PCLO: variants seen among roughly 807,000 people sequenced by gnomAD.
PCLO encodes the protein piccolo presynaptic cytomatrix protein, also known as protein piccolo.
In PCLO, 82 loss-of-function variants were observed where a neutral mutation model predicts 427.5. That is an observed-to-expected ratio of 0.19 (90% confidence interval 0.16 to 0.23). PCLO has a LOEUF of 0.23. PCLO is among the 10% of genes least tolerant of loss of function. The pLI, the probability that PCLO is intolerant of heterozygous loss-of-function variation, is 1.00. For missense variants in PCLO, 6,239 were observed against 6,115.9 expected, an observed-to-expected ratio of 1.02 and a Z score of -0.67; for synonymous variants, 2,357 against 2,155.4, an observed-to-expected ratio of 1.09 and a Z score of -2.59.
intron 10 of PCLO, among the ~76,000 whole-genome samples, chr7:82,860,943 C>G (rs1208119735): frequency 2.0e-5 from 3 of 151,662 alleles, no homozygotes; most frequent in African/African-American, 7.3e-5. Flanking sequence ...AAGGTAACCT[C>G]AAACCAAAAA....
At chr7:82,909,654 G>A (rs982765814) in intron 7 of PCLO, among the ~76,000 whole-genome samples, 2 of 151,970 alleles carry the variant, frequency 1.3e-5, no homozygotes, top group African/African-American at 4.8e-5. Context: ...TTGAAAATAC[G>A]ACATTTCTAT....
chr7:82,763,951 T>C (rs1790481397), intron 22 of PCLO, among the ~76,000 whole-genome samples: 1 of 151,964 alleles, frequency 6.6e-6, no homozygotes, highest in African/African-American at 2.4e-5. Context: ...AGTTTGACTC[T>C]CTCAGAAATA....
chr7:82,921,228 C>A (rs2116296646), intron 6 of PCLO, among the ~76,000 whole-genome samples: 1 of 151,816 alleles, frequency 6.6e-6, no homozygotes, highest in African/African-American at 2.4e-5. Flanking sequence ...AAAAACTATT[C>A]TAAAATTCAT....
intron 22 of PCLO, among the ~76,000 whole-genome samples, chr7:82,798,527 G>A (rs928737608): frequency 6.6e-6 from 1 of 152,014 alleles, no homozygotes; most frequent in Non-Finnish European, 1.5e-5. Flanking sequence ...ATATTTCTAC[G>A]TGGACAAAAC....
chr7:82,822,876 GGCAAAAGGATGATA>G (rs530855625), intron 19 of PCLO, among the ~76,000 whole-genome samples, 187 bp from the exon 20 acceptor site: 54 of 152,240 alleles, frequency 3.5e-4, no homozygotes, highest in African/African-American at 1.2e-3. Flanking sequence ...GGGGAGGAAA[GGCAAAAGGATGATA>G]GCAATGAGAA....
intron 6 of PCLO, among the ~76,000 whole-genome samples, chr7:82,919,544 T>C (rs1794548474): frequency 6.6e-6 from 1 of 151,934 alleles, no homozygotes; most frequent in Non-Finnish European, 1.5e-5. Flanking sequence ...AAACCAAGCC[T>C]TTAACTGCAT....
At chr7:82,801,386 G>C in intron 22 of PCLO, 132 bp downstream of exon 22, 1 of 528,198 alleles carries the variant, frequency 1.9e-6, no homozygotes, top group South Asian at 3.0e-5. Flanking sequence ...AATAGATAAT[G>C]ATATCTTACT....
At chr7:82,814,493 T>C (rs1791636078) in intron 20 of PCLO, among the ~76,000 whole-genome samples, 1 of 150,780 alleles carries the variant, frequency 6.6e-6, no homozygotes, top group African/African-American at 2.4e-5. Flanking sequence ...ATTTAATTTA[T>C]AATAATTTAT....
Position 82,954,705 on chromosome 7 carries a change from G to A in PCLO, c.6248C>T (p.Thr2083Ile), listed in dbSNP as rs1562881412. 1.2e-6 allele frequency: 2 copies of A among 1,613,912 alleles called. No individual in the cohort carries two copies. Among genetic ancestry groups the A allele is most frequent in the Non-Finnish European group, 1.7e-6 (2 of 1,179,854 alleles). ...CATATCCTCACCAATGGGGGCCTGGGTTGGGCTAGATCCAGGTGTTAATTG... is the reference window on the plus strand; with the variant it reads ...CATATCCTCACCAATGGGGGCCTGGATTGGGCTAGATCCAGGTGTTAATTG... ...QMQLTPGSSPTQAPIGEDMTE... is the reference protein window; with the variant it reads ...QMQLTPGSSPIQAPIGEDMTE... Residue 2083 changes from threonine to isoleucine, a missense_variant, in exon 5 of 25, where the codon ACC becomes ATC. This residue lies in a region of PCLO where 4,677 missense variants were observed against 4,468.4 expected (regional missense o/e 1.05). Coordinates refer to ENST00000333891, the MANE Select transcript of PCLO (RefSeq NM_033026.6).
intron 20 of PCLO, among the ~76,000 whole-genome samples, chr7:82,818,990 G>C (rs988943219): frequency 8.5e-5 from 13 of 152,178 alleles, no homozygotes; most frequent in African/African-American, 2.6e-4. Flanking sequence ...GAACTTGCAG[G>C]TTCTTTTTAT....
chr7:82,794,450 A>ATTTTTTTTGTTTTTTTTTTTTT (rs141105612), intron 22 of PCLO, among the ~76,000 whole-genome samples: 2 of 62,030 alleles, frequency 3.2e-5, no homozygotes, highest in Non-Finnish European at 7.7e-5. Flanking sequence ...TAGTTCATAA[A>ATTTTTTTTGTTTTTTTTTTTTT]TTTTTTTTCT....
rs1440854110 is a variant in PCLO at position 83,155,026 on chromosome 7, G to T, written c.1615C>A (p.Pro539Thr). ...PPSQQPGSAK[P>T]SAQQPSPAKP... Reference sequence around the variant, plus strand: ...GCTGGGCTAGGCTGTTGAGCTGAGGGTTTTGCTGAGCCAGGCTGTTGAGAT... The same window carrying T: ...GCTGGGCTAGGCTGTTGAGCTGAGGTTTTTGCTGAGCCAGGCTGTTGAGAT... The change falls in exon 2 of 25, where the codon CCC (proline) becomes ACC (threonine). Residue 539 changes from proline (P) to threonine (T), a missense_variant. Physicochemically the swap from Pro to Thr is conservative, Grantham distance 38. Transcript: ENST00000333891. 6 of 1,613,864 alleles carry T rather than the reference G, an allele frequency of 3.7e-6. No individual in the cohort carries two copies. The highest frequency in any genetic ancestry group is 4.5e-5 in the East Asian group (2 of 44,856).
At chr7:83,023,215 C>T (rs1788389950) in intron 3 of PCLO, among the ~76,000 whole-genome samples, 1 of 152,146 alleles carries the variant, frequency 6.6e-6, no homozygotes, top group South Asian at 2.1e-4. Context: ...TCCAAATCTA[C>T]TAATTGATTG....
intron 2 of PCLO, among the ~76,000 whole-genome samples, chr7:83,135,986 T>C (rs984569021): frequency 1.3e-5 from 2 of 151,682 alleles, no homozygotes; most frequent in Non-Finnish European, 2.9e-5. Flanking sequence ...TAATCCCAGT[T>C]ACTCAGGAGG....
intron 3 of PCLO, among the ~76,000 whole-genome samples, chr7:83,068,223 G>T (rs567686417): frequency 6.6e-6 from 1 of 152,088 alleles, no homozygotes; most frequent in African/African-American, 2.4e-5. Flanking sequence ...ACAAAAGAAA[G>T]ATAAGAATGA....
intron 3 of PCLO, among the ~76,000 whole-genome samples, chr7:83,089,851 C>T (rs1043599081): frequency 2.0e-5 from 3 of 152,164 alleles, no homozygotes; most frequent in African/African-American, 4.8e-5. Context: ...TCCCTTTTGT[C>T]TGCCAAGATT....
intron 22 of PCLO, among the ~76,000 whole-genome samples, chr7:82,789,534 C>T (rs1452697375): frequency 1.3e-5 from 2 of 152,066 alleles, no homozygotes; most frequent in Admixed American, 6.6e-5. Flanking sequence ...GGTGAAACCC[C>T]ATCTCTACTA....
chr7:82,954,369 T>C lies in PCLO; in HGVS notation c.6584A>G (p.Asp2195Gly), dbSNP rs550122831. 15 of 1,613,910 alleles carry C rather than the reference T, an allele frequency of 9.3e-6. No individual in the cohort carries two copies. In the Admixed American group the frequency reaches 1.7e-4, roughly 18 times the overall value. ...TSSVSSVCTT[D>G]SSSPITTLDS... ...CAGGGTAGTAATGGGTGAAGAGCTA[T>C]CTGTGGTACAGACCGAAGAAACAGA... The change falls in exon 5 of 25, where the codon GAT becomes GGT. Residue 2195 changes from aspartate to glycine, a missense_variant. Around this residue, in one of 5 missense-constraint regions of PCLO, gnomAD observed 4,677 missense variants for 4,468.4 expected, o/e 1.05. Transcript: ENST00000333891.
In PCLO at chr7:82,754,442, C is replaced by T. The variant is rs1281285244; in HGVS notation, c.*4133G>A. The T allele has an allele frequency of 6.6e-6, 1 of 152,014 alleles. No individual in the cohort carries two copies. The highest frequency in any genetic ancestry group is 1.9e-4 in the East Asian group (1 of 5,190). The allele number at this position is 152,014 out of a possible 1,614,324, so 9.4% of individuals were successfully genotyped here. ...CTCATATGTGTTTTTAGGATATTAGCACACACATTAATCAGTAGTGGGAGC... is the reference window on the plus strand; with the variant it reads ...CTCATATGTGTTTTTAGGATATTAGTACACACATTAATCAGTAGTGGGAGC... On this transcript the variant is annotated 3_prime_UTR_variant, in exon 25 of 25. Transcript: ENST00000333891.
Sources: gnomAD v4.1 joint callset for allele counts (sites outside exome capture counted in the v4.1 genomes callset) on GRCh38, gnomAD v4.1.1 for gene constraint, gnomAD v4.1.1 regional missense constraint, MANE v1.5 for transcripts, NCBI Gene and HGNC (gene_info 2026-07-23, HGNC 2026-07-21) for gene names.